UTP18: variants seen among roughly 807,000 people sequenced by gnomAD.
UTP18 encodes the protein U3 small nucleolar RNA-associated protein 18 homolog.
Under a neutral mutation model 61.1 loss-of-function variants are expected in UTP18, and 36 were observed. That is an observed-to-expected ratio of 0.59 (90% CI 0.45 to 0.78). The LOEUF is 0.78. Among genes scored for constraint, UTP18 ranks in the 30% least tolerant of loss-of-function variants. UTP18 has a pLI of 0.00. For synonymous variants in UTP18, 282 were observed against 251.1 expected (o/e 1.12, Z -1.16); for missense variants, 753 against 693.9 (o/e 1.09, Z -0.96).
At position 51,280,400 on chromosome 17, in the gene UTP18, G is replaced by A. The variant is rs763633457; in HGVS notation, c.1125G>A (p.Leu375=). ...LHLLAMKTKE[L]IGSMKINGRV... is the part of the protein sequence containing the mutation. ...ATTTATTGTTTTAGACCAAAGAACTGATTGGAAGCATGAAAATTAATGGAA... is the reference window on the plus strand; with the variant it reads ...ATTTATTGTTTTAGACCAAAGAACTAATTGGAAGCATGAAAATTAATGGAA... Residue 375 remains leucine, a synonymous_variant, in exon 9 of 14, where the codon CTG becomes CTA. Coordinates refer to ENST00000225298, the MANE Select transcript of UTP18 (RefSeq NM_016001.3). 3.7e-6 allele frequency: 6 copies of A among 1,614,054 alleles called. No homozygotes were observed. The highest frequency in any genetic ancestry group is 5.1e-6 in the Non-Finnish European group (6 of 1,179,944).
intron 11 of UTP18, among the ~76,000 whole-genome samples, chr17:51,289,075 T>G: frequency 6.6e-6 from 1 of 152,346 alleles, no homozygotes; most frequent in Middle Eastern, 3.4e-3. Flanking sequence ...ACAAACAGTT[T>G]AGGCACAGTG....
chr17:51,286,619 G>C, intron 10 of UTP18: 1 of 455,364 alleles, frequency 2.2e-6, no homozygotes, highest in Admixed American at 2.4e-5. Flanking sequence ...GACAGTAACA[G>C]ATCCCTTGGA....
At chr17:51,278,024 CAA>C (rs1464781724) in intron 7 of UTP18, among the ~76,000 whole-genome samples, 1 of 152,160 alleles carries the variant, frequency 6.6e-6, no homozygotes, top group Non-Finnish European at 1.5e-5. Flanking sequence ...CTGGAAAGGA[CAA>C]GAGTAGCTCT....
chr17:51,297,695 G>A (rs1195059667), intron 13 of UTP18, 87 bp from the exon 14 acceptor site: 2 of 422,442 alleles, frequency 4.7e-6, no homozygotes, highest in African/African-American at 4.2e-5. Flanking sequence ...TAGCTCTCCT[G>A]TCTCAAAAGA....
At chr17:51,276,652 G>C (rs1342438532) in intron 6 of UTP18, among the ~76,000 whole-genome samples, 1 of 152,202 alleles carries the variant, frequency 6.6e-6, no homozygotes, top group African/African-American at 2.4e-5. Flanking sequence ...TGGGGGTATA[G>C]ATGGTGAACA....
intron 13 of UTP18, among the ~76,000 whole-genome samples, chr17:51,297,462 A>T (rs922289494): frequency 1.3e-5 from 2 of 152,334 alleles, no homozygotes; most frequent in African/African-American, 4.8e-5. Context: ...TTAAAACCAT[A>T]GAACATCCTT....
rs530127984 is a variant in UTP18 at position 51,260,589 on chromosome 17, C to A, written c.5C>A (p.Pro2Gln). 10 of 1,611,884 alleles carry A rather than the reference C, an allele frequency of 6.2e-6. No individual in the cohort carries two copies. The highest frequency in any genetic ancestry group is 5.1e-6 in the Non-Finnish European group (6 of 1,179,486). Residue 2 changes from proline (P) to glutamine (Q), a missense_variant, in exon 1 of 14, where the codon CCG becomes CAG. By Grantham distance (76) the Pro-to-Gln change is moderately conservative. Transcript: ENST00000225298. The stretch of plus-strand genomic sequence containing the variant: ...CGTTTCTCCTCAAACCTAACGATGC[C>A]GCCGGAGCGGAGGAGACGAATGAAA... Reference protein sequence around the residue: MPPERRRRMKLD... With the variant: MQPERRRRMKLD...
intron 7 of UTP18, among the ~76,000 whole-genome samples, chr17:51,277,753 G>A (rs1904779577): frequency 6.6e-6 from 1 of 152,182 alleles, no homozygotes; most frequent in Non-Finnish European, 1.5e-5. Context: ...ACTGCTTTTG[G>A]AGGTACTTCT....
chr17:51,280,447 C>T lies in UTP18; in HGVS notation c.1172C>T (p.Ser391Phe). 6.2e-7 allele frequency: 1 copy of T among 1,614,178 alleles called. No homozygotes were observed. The highest frequency in any genetic ancestry group is 1.1e-5 in the South Asian group (1 of 91,088). ...INGRVAASTF[S>F]SDSKKVYASS... Reference sequence around the variant, plus strand: ...GGAAGGGTTGCAGCATCCACATTCTCTTCAGATAGTAAGAAAGTATACGCC... The same window carrying T: ...GGAAGGGTTGCAGCATCCACATTCTTTTCAGATAGTAAGAAAGTATACGCC... Residue 391 changes from serine (S) to phenylalanine (F), a missense_variant, in exon 9 of 14, where the codon TCT becomes TTT. Transcript: ENST00000225298.
chr17:51,277,071 C>T, intron 6 of UTP18, 59 bp from the exon 7 acceptor site: 1 of 1,542,740 alleles, frequency 6.5e-7, no homozygotes, highest in South Asian at 1.2e-5. Context: ...AAAGTATATA[C>T]TACCAGGATA....
intron 7 of UTP18, among the ~76,000 whole-genome samples, chr17:51,277,796 C>T (rs967821234): frequency 7.9e-5 from 12 of 152,180 alleles, no homozygotes; most frequent in Non-Finnish European, 2.9e-5. Flanking sequence ...TAAAAAATAA[C>T]GCTTTTTTAG....
rs1007506618 is a variant in UTP18, at chr17:51,288,064, A to T, written c.1364A>T (p.Asp455Val). 1.2e-6 allele frequency: 2 copies of T among 1,600,996 alleles called. No homozygotes were observed. The highest frequency in any genetic ancestry group is 1.8e-5 in the Admixed American group (1 of 56,236). The change falls in exon 11 of 14, where the codon GAT becomes GTT. Residue 455 changes from aspartate (D) to valine (V), a missense_variant. Transcript: ENST00000225298. ...GGAGTGGTAAATATATACAATCAAG[A>T]TTCTTGTCTCCAAGAAACAAACCCA... ...NCGVVNIYNQ[D>V]SCLQETNPKP...
intron 9 of UTP18, among the ~76,000 whole-genome samples, chr17:51,281,867 C>G (rs1216392764): frequency 6.6e-6 from 1 of 152,162 alleles, no homozygotes; most frequent in Non-Finnish European, 1.5e-5. Context: ...AAAGATGATT[C>G]ATTTGAAGGT....
chr17:51,273,589 T>C, intron 5 of UTP18, 139 bp downstream of exon 5: 2 of 556,398 alleles, frequency 3.6e-6, no homozygotes, highest in Non-Finnish European at 5.9e-6. Flanking sequence ...GGTAAATACT[T>C]ATGTTATTGT....
chr17:51,263,442 G>T (rs2055528486), intron 2 of UTP18, 56 bp downstream of exon 2: 2 of 1,294,654 alleles, frequency 1.5e-6, no homozygotes, highest in Admixed American at 4.6e-5. Context: ...AAGTTATTTT[G>T]CAGATTTTAA....
At chr17:51,261,133 G>A in intron 1 of UTP18, among the ~76,000 whole-genome samples, 1 of 152,264 alleles carries the variant, frequency 6.6e-6, no homozygotes, top group East Asian at 1.9e-4. Context: ...GGCGGGGACC[G>A]CGTCTTTCTC....
At chr17:51,289,496 C>T (rs1413554549) in intron 11 of UTP18, among the ~76,000 whole-genome samples, 7 of 151,878 alleles carry the variant, frequency 4.6e-5, no homozygotes, top group African/African-American at 7.3e-5. Context: ...AGTGAGCCGC[C>T]GTGCCCAGCC....
In UTP18 at chr17:51,297,887, AG is replaced by A; in HGVS notation, c.*121del. ...TGATTTATAGATCCAGCTGTGCTTA[AG>A]AGCCAGTAATGTCTTAATAAACATG... On this transcript the variant is annotated 3_prime_UTR_variant, in exon 14 of 14. Coordinates refer to ENST00000225298, the MANE Select transcript of UTP18 (RefSeq NM_016001.3). The A allele has an allele frequency of 3.0e-6, 1 of 332,070 alleles. No homozygotes were observed. Among genetic ancestry groups the A allele is most frequent in the Non-Finnish European group, 5.7e-6 (1 of 175,988 alleles). The allele number at this position is 332,070 out of a possible 1,614,324, so 20.6% of individuals were successfully genotyped here. A position where few individuals can be genotyped will look rare whatever the true frequency, so the allele number is the denominator to read the frequency against.
intron 5 of UTP18, among the ~76,000 whole-genome samples, chr17:51,275,239 C>CT (rs3837855): frequency 0.64 from 96,391 of 150,868 alleles, 31,414 homozygotes; most frequent in African/African-American, 0.78. Flanking sequence ...AAAAATTTAA[C>CT]TTGGTGGTTA....
Sources: gnomAD v4.1 joint callset for allele counts (sites outside exome capture counted in the v4.1 genomes callset) on GRCh38, gnomAD v4.1.1 for gene constraint, MANE v1.5 for transcripts, NCBI Gene and HGNC (gene_info 2026-07-23, HGNC 2026-07-21) for gene names.